The following MAML3 variants were observed in gnomAD, a reference collection of about 807,000 sequenced individuals.
The protein encoded by MAML3 is mastermind like transcriptional coactivator 3.
A neutral mutation model predicts 101.9 loss-of-function variants in MAML3; 27 were observed. The ratio of observed to expected loss-of-function variants is 0.27; its 90% CI spans 0.20 to 0.37. The LOEUF is 0.37. Among genes scored for constraint, MAML3 ranks in the 10% least tolerant of loss-of-function variants. MAML3 has a pLI of 1.00. For missense variants in MAML3, 1,316 were observed against 1,444.9 expected, an observed-to-expected ratio of 0.91 and a Z score of 1.45; for synonymous variants, 501 against 555.9, an observed-to-expected ratio of 0.90 and a Z score of 1.39.
At chr4:139,962,951 C>T (rs769670) in intron 1 of MAML3, among the ~76,000 whole-genome samples, 49,685 of 151,892 alleles carry the variant, frequency 0.33, 8,474 homozygotes, top group African/African-American at 0.4. Flanking sequence ...GTAAAGGGAA[C>T]GGCAATAATC....
At chr4:139,892,467 T>C (rs1263718669) in intron 1 of MAML3, among the ~76,000 whole-genome samples, 1 of 152,172 alleles carries the variant, frequency 6.6e-6, no homozygotes, top group Non-Finnish European at 1.5e-5. Flanking sequence ...AGGATACCAT[T>C]ATCTCTTACT....
chr4:139,956,024 T>G (rs977055998), intron 1 of MAML3, among the ~76,000 whole-genome samples: 41 of 152,204 alleles, frequency 2.7e-4, no homozygotes, highest in African/African-American at 9.9e-4. Flanking sequence ...GTAGATTTGT[T>G]ACTGTGGCAC....
rs558976719 is a variant in MAML3, at chr4:139,725,782, T to C, written c.2385A>G (p.Pro795=). 4.3e-6 allele frequency: 7 copies of C among 1,613,982 alleles called. No individual in the cohort carries two copies. In the Admixed American group the frequency reaches 8.3e-5, roughly 19 times the overall value. ...PRQHLQPQRN[P]YPVQQVNQFQ... ...ACTGATTGACCTGCTGCACTGGGTA[T>C]GGATTCCGCTGTGGCTGGAGGTGCT... is the stretch of plus-strand genomic sequence containing the variant. The change falls in exon 4 of 5, where the codon CCA becomes CCG. Residue 795 remains proline (P), a synonymous_variant. Coordinates refer to ENST00000509479, the MANE Select transcript of MAML3 (RefSeq NM_018717.5).
At chr4:140,064,222 A>G (rs1446092038) in intron 1 of MAML3, among the ~76,000 whole-genome samples, 1 of 152,198 alleles carries the variant, frequency 6.6e-6, no homozygotes, top group Non-Finnish European at 1.5e-5. Context: ...TCTTTGAAGA[A>G]TCTATGGTCA....
intron 1 of MAML3, among the ~76,000 whole-genome samples, chr4:139,937,683 T>A (rs1464729521): frequency 6.6e-6 from 1 of 152,152 alleles, no homozygotes; most frequent in African/African-American, 2.4e-5. Context: ...CCACTGCGCC[T>A]GGCCAGCAAA....
chr4:139,856,339 A>G (rs1301991311), intron 2 of MAML3, among the ~76,000 whole-genome samples: 1 of 152,256 alleles, frequency 6.6e-6, no homozygotes, highest in East Asian at 1.9e-4. Context: ...ATGGAGACAG[A>G]GGAGAGAACT....
At chr4:139,877,314 C>T (rs1732134853) in intron 2 of MAML3, among the ~76,000 whole-genome samples, 1 of 151,856 alleles carries the variant, frequency 6.6e-6, no homozygotes, top group Non-Finnish European at 1.5e-5. Flanking sequence ...AATAGAGTAT[C>T]TTTGTATAGG....
intron 1 of MAML3, among the ~76,000 whole-genome samples, chr4:140,085,554 CG>C (rs373798406): frequency 1.0e-3 from 157 of 152,292 alleles, no homozygotes; most frequent in African/African-American, 3.5e-3. Flanking sequence ...CCACTCGCTA[CG>C]AACTCCATTC....
chr4:139,891,006 A>T (rs1403836648), intron 1 of MAML3, 39 bp from the exon 2 acceptor site: 1 of 1,581,392 alleles, frequency 6.3e-7, no homozygotes, highest in East Asian at 2.2e-5. Flanking sequence ...TAAACCTCCA[A>T]GTCATATTTT....
intron 2 of MAML3, among the ~76,000 whole-genome samples, chr4:139,846,415 T>C (rs915542756): frequency 1.3e-5 from 2 of 152,162 alleles, no homozygotes; most frequent in African/African-American, 2.4e-5. Flanking sequence ...GGCACAATCA[T>C]AGCTTACTGC....
At chr4:139,906,574 C>A (rs1321762245) in intron 1 of MAML3, among the ~76,000 whole-genome samples, 4 of 152,176 alleles carry the variant, frequency 2.6e-5, no homozygotes, top group Admixed American at 6.5e-5. Flanking sequence ...AGGATTCTTG[C>A]GCCAGCCCAG....
At chr4:139,865,585 C>T (rs1731883285) in intron 2 of MAML3, among the ~76,000 whole-genome samples, 1 of 151,386 alleles carries the variant, frequency 6.6e-6, no homozygotes, top group South Asian at 2.1e-4. Flanking sequence ...TGGGCTTCTC[C>T]CTTCTTTTCA....
intron 1 of MAML3, among the ~76,000 whole-genome samples, chr4:140,035,967 T>C (rs1318901677): frequency 1.3e-5 from 2 of 152,176 alleles, no homozygotes; most frequent in African/African-American, 4.8e-5. Flanking sequence ...AAGAGCATAG[T>C]TGAGAATGAA....
rs10625860 is a variant in MAML3, at chr4:140,145,878, CT to C, written c.468+6981del. Among the ~76,000 whole-genome samples the C allele has an allele frequency of 6.5e-5, 7 of 108,496 alleles. No homozygotes were observed. The South Asian group carries it at 9.3e-4, about 14-fold the overall frequency. 71.2% of individuals were successfully genotyped at this position (108,496 alleles called of 152,430 possible). ...GCGCCTGGCCTTTTTTTTCTTTTTT[CT>C]TTTTTTTTTTTGAGAAGGATTTTTA... On this transcript the variant is annotated intron_variant, in intron 1 of 4. Transcript: ENST00000509479.
At chr4:139,900,200 G>T (rs1480768098) in intron 1 of MAML3, among the ~76,000 whole-genome samples, 1 of 152,180 alleles carries the variant, frequency 6.6e-6, no homozygotes, top group Non-Finnish European at 1.5e-5. Context: ...AGTACATAAG[G>T]CTGATGGTGC....
intron 1 of MAML3, among the ~76,000 whole-genome samples, chr4:140,099,009 G>A (rs568941563): frequency 6.6e-6 from 1 of 152,270 alleles, no homozygotes; most frequent in South Asian, 2.1e-4. Context: ...TGTTCCAGAT[G>A]TGGTACAATA....
intron 1 of MAML3, among the ~76,000 whole-genome samples, chr4:140,019,998 A>G (rs952825091): frequency 6.6e-6 from 1 of 152,216 alleles, no homozygotes; most frequent in African/African-American, 2.4e-5. Flanking sequence ...GGAGCTTGGT[A>G]GTCTTCCCTT....
intron 1 of MAML3, among the ~76,000 whole-genome samples, chr4:140,150,816 C>A (rs998380535): frequency 6.6e-6 from 1 of 152,136 alleles, no homozygotes; most frequent in Non-Finnish European, 1.5e-5. Flanking sequence ...AGTCGAGATG[C>A]GGGACCGGCC....
At chr4:139,770,861 A>G (rs1312005656) in intron 2 of MAML3, among the ~76,000 whole-genome samples, 1 of 152,226 alleles carries the variant, frequency 6.6e-6, no homozygotes, top group Non-Finnish European at 1.5e-5. Context: ...TATCCAGCAG[A>G]AAGGATGAGT....
Sources: allele counts gnomAD v4.1 joint callset (sites outside exome capture counted in the v4.1 genomes callset), GRCh38; gene constraint gnomAD v4.1.1; transcripts MANE v1.5; gene names NCBI Gene and HGNC (gene_info 2026-07-23, HGNC 2026-07-21).